Variants in LRP6 observed in about 807,000 individuals in gnomAD.
The protein encoded by LRP6 is low-density lipoprotein receptor-related protein 6.
A neutral mutation model predicts 184.1 loss-of-function variants in LRP6; 43 were observed. The ratio of observed to expected loss-of-function variants is 0.23; its 90% CI spans 0.18 to 0.30. LRP6 has a LOEUF of 0.30. LRP6 is among the 10% of genes least tolerant of loss of function. LRP6 has a pLI of 1.00. For missense variants in LRP6, 1,571 were observed against 2,005.3 expected, an observed-to-expected ratio of 0.78 and a Z score of 4.14; for synonymous variants, 719 against 684.9, an observed-to-expected ratio of 1.05 and a Z score of -0.78.
intron 15 of LRP6, among the ~76,000 whole-genome samples, chr12:12,145,099 T>G (rs111254376): frequency 1.3e-5 from 2 of 151,946 alleles, no homozygotes; most frequent in African/African-American, 4.8e-5. Flanking sequence ...ACCTAATACA[T>G]TCAGATTGCA....
intron 2 of LRP6, among the ~76,000 whole-genome samples, chr12:12,228,174 C>A (rs117930514): frequency 0.041 from 6,282 of 152,204 alleles, 177 homozygotes; most frequent in Middle Eastern, 0.16. Flanking sequence ...AGCTCAGGAC[C>A]AGCCTGGCCA....
At chr12:12,154,652 C>T (rs1291359494) in intron 12 of LRP6, among the ~76,000 whole-genome samples, 2 of 152,064 alleles carry the variant, frequency 1.3e-5, no homozygotes, top group African/African-American at 4.8e-5. Context: ...ACTGCTTGAG[C>T]CCAGGAGTTC....
chr12:12,218,282 G>A (rs901025539), intron 2 of LRP6, among the ~76,000 whole-genome samples: 25 of 151,992 alleles, frequency 1.6e-4, no homozygotes, highest in African/African-American at 5.8e-4. Context: ...AGACCAGCCT[G>A]GGCAACATAA....
chr12:12,124,144 C>T (rs1300904162), intron 22 of LRP6, among the ~76,000 whole-genome samples: 1 of 151,874 alleles, frequency 6.6e-6, no homozygotes, highest in Admixed American at 6.6e-5. Context: ...GAGGCCAAGG[C>T]AGGCGGATCA....
At chr12:12,186,646 C>A (rs1863482632) in intron 4 of LRP6, among the ~76,000 whole-genome samples, 1 of 136,048 alleles carries the variant, frequency 7.4e-6, no homozygotes, top group African/African-American at 2.7e-5. Context: ...TCCCAAAGTG[C>A]TGGGATTTTA....
intron 2 of LRP6, among the ~76,000 whole-genome samples, chr12:12,219,530 T>C (rs1171003298): frequency 6.6e-6 from 1 of 152,092 alleles, no homozygotes; most frequent in Non-Finnish European, 1.5e-5. Context: ...GTATCTACCA[T>C]TGCACCTCAT....
intron 15 of LRP6, chr12:12,138,746 C>A: frequency 6.8e-7 from 1 of 1,480,554 alleles, no homozygotes; most frequent in Non-Finnish European, 9.1e-7. Flanking sequence ...CAAGTAAGTG[C>A]CCAATGTGCA....
intron 1 of LRP6, among the ~76,000 whole-genome samples, chr12:12,261,330 G>A (rs1048068634): frequency 1.1e-4 from 17 of 151,676 alleles, no homozygotes; most frequent in Admixed American, 3.9e-4. Context: ...GTGAACCCGG[G>A]AGGCGGAGCT....
chr12:12,131,096 C>CGTTTTTTTTTTTTTTTTTTTTT (rs1949746766), intron 18 of LRP6, among the ~76,000 whole-genome samples: 1 of 105,350 alleles, frequency 9.5e-6, no homozygotes, highest in Non-Finnish European at 2.0e-5. Flanking sequence ...AATTTCCTAA[C>CGTTTTTTTTTTTTTTTTTTTTT]ATTTTTTTTT....
In LRP6 at chr12:12,189,942, A is replaced by G. The variant is rs921528926; in HGVS notation, c.648-2823T>C. Among the ~76,000 whole-genome samples, 13 of 152,352 alleles carry G rather than the reference A, an allele frequency of 8.5e-5. No individual in the cohort carries two copies. In the South Asian group the frequency reaches 1.0e-3, roughly 12 times the overall value. ...AACTGTTCACCTATCCAGCAACTCT[A>G]TAACAGATGACCTTTTTGAGAGTAA... is the stretch of plus-strand genomic sequence containing the variant. On this transcript the variant is annotated intron_variant, in intron 3 of 22. Transcript: ENST00000261349.
At chr12:12,206,711 C>T (rs1432293597) in intron 2 of LRP6, among the ~76,000 whole-genome samples, 1 of 151,882 alleles carries the variant, frequency 6.6e-6, no homozygotes, top group East Asian at 1.9e-4. Flanking sequence ...AGTTCAAGAA[C>T]AGCCTGAGCA....
intron 2 of LRP6, among the ~76,000 whole-genome samples, chr12:12,242,197 T>G (rs533454375): frequency 6.6e-6 from 1 of 152,272 alleles, no homozygotes; most frequent in African/African-American, 2.4e-5. Context: ...TTCTAATTAT[T>G]TTAACACTCT....
intron 2 of LRP6, among the ~76,000 whole-genome samples, chr12:12,235,730 CA>C (rs1231537237): frequency 4.0e-4 from 51 of 128,576 alleles, no homozygotes; most frequent in Admixed American, 3.2e-4. Flanking sequence ...AACTCCGGCT[CA>C]AAAAAAAAAA....
intron 2 of LRP6, among the ~76,000 whole-genome samples, chr12:12,211,511 G>A (rs1184989605): frequency 3.9e-5 from 6 of 152,134 alleles, no homozygotes; most frequent in Admixed American, 6.6e-5. Flanking sequence ...GTTCAAATAC[G>A]GACGAACTGA....
At chr12:12,165,582 A>C (rs974129207) in intron 7 of LRP6, among the ~76,000 whole-genome samples, 3 of 152,240 alleles carry the variant, frequency 2.0e-5, no homozygotes, top group African/African-American at 7.2e-5. Context: ...GGCAAAATTA[A>C]AAATACAGTA....
chr12:12,226,570 G>A (rs1166032887), intron 2 of LRP6: 1 of 152,130 alleles, frequency 6.6e-6, no homozygotes, highest in African/African-American at 2.4e-5. Context: ...TACTGTTCAT[G>A]GTTGAGGAAT....
Position 12,148,951 on chromosome 12 carries a change from G to A in LRP6, c.3197C>T (p.Pro1066Leu). ...QDRPRAVVVN[P>L]EKGYMYFTNL... is the part of the protein sequence containing the mutation. ...CACTTTAGTAACATACCCTTTCTCT[G>A]GGTTTACCACAACGGCTCGAGGTCT... The change falls in exon 14 of 23, where the codon CCA becomes CTA. Residue 1066 changes from proline (P) to leucine (L), a missense_variant. Pro to Leu is a moderately conservative substitution (Grantham distance 98). This residue lies in a region of LRP6 where 763 missense variants were observed against 859.5 expected (regional missense o/e 0.89). Coordinates refer to ENST00000261349, the MANE Select transcript of LRP6 (RefSeq NM_002336.3). 1 of 1,612,634 alleles carries A rather than the reference G, an allele frequency of 6.2e-7. No homozygotes were observed. Among genetic ancestry groups the A allele is most frequent in the Non-Finnish European group, 8.5e-7 (1 of 1,179,376 alleles).
chr12:12,199,202 G>C (rs1863849718), intron 3 of LRP6, among the ~76,000 whole-genome samples: 1 of 151,976 alleles, frequency 6.6e-6, no homozygotes, highest in African/African-American at 2.4e-5. Context: ...TTTGGCACTA[G>C]GAATCACAGC....
At chr12:12,254,814 G>A (rs1401726503) in intron 1 of LRP6, among the ~76,000 whole-genome samples, 1 of 152,292 alleles carries the variant, frequency 6.6e-6, no homozygotes, top group East Asian at 1.9e-4. Context: ...AATTAAGCAA[G>A]ATCACTTCCC....
Sources: gnomAD v4.1 joint callset for allele counts (sites outside exome capture counted in the v4.1 genomes callset) on GRCh38, gnomAD v4.1.1 for gene constraint, gnomAD v4.1.1 regional missense constraint, MANE v1.5 for transcripts, NCBI Gene and HGNC (gene_info 2026-07-23, HGNC 2026-07-21) for gene names.